Variants in ATXN7L1 observed in about 807,000 individuals in gnomAD.
The protein encoded by ATXN7L1 is ataxin-7-like protein 1.
A neutral mutation model predicts 70.8 loss-of-function variants in ATXN7L1; 15 were observed. The ratio of observed to expected loss-of-function variants is 0.21; its 90% CI spans 0.14 to 0.33. The LOEUF is 0.33. Ranked by LOEUF, ATXN7L1 falls within the 10% of genes least tolerant of loss-of-function variation. The pLI is 1.00. For synonymous variants in ATXN7L1, 440 were observed against 445.1 expected, an observed-to-expected ratio of 0.99 and a Z score of 0.14; for missense variants, 975 against 1,097.1, an observed-to-expected ratio of 0.89 and a Z score of 1.57.
At chr7:105,666,604 A>G (rs1309198651) in intron 3 of ATXN7L1, among the ~76,000 whole-genome samples, 4 of 152,222 alleles carry the variant, frequency 2.6e-5, no homozygotes, top group African/African-American at 9.6e-5. Context: ...AAGCAGACTG[A>G]ATTTAGTCTT....
intron 3 of ATXN7L1, among the ~76,000 whole-genome samples, chr7:105,721,523 G>T (rs575521275): frequency 6.6e-6 from 1 of 152,316 alleles, no homozygotes; most frequent in East Asian, 1.9e-4. Flanking sequence ...CGCCCTTACA[G>T]ATGCTCACAG....
intron 3 of ATXN7L1, among the ~76,000 whole-genome samples, chr7:105,731,789 A>AAAAGAAAAGAAAAGAAAAG (rs1796600755): frequency 6.7e-6 from 1 of 149,254 alleles, no homozygotes; most frequent in Non-Finnish European, 1.5e-5. Context: ...AAAAGAAAAG[A>AAAAGAAAAGAAAAGAAAAG]AAAGAAAAGA....
chr7:105,791,829 A>C (rs1000669624), intron 2 of ATXN7L1, among the ~76,000 whole-genome samples: 8 of 152,238 alleles, frequency 5.3e-5, no homozygotes, highest in Non-Finnish European at 1.0e-4. Flanking sequence ...CAACAGGTCA[A>C]GCTATGAAGG....
intron 2 of ATXN7L1, among the ~76,000 whole-genome samples, chr7:105,856,412 C>A (rs963148970): frequency 2.0e-5 from 3 of 151,808 alleles, no homozygotes; most frequent in Non-Finnish European, 4.4e-5. Flanking sequence ...ATGGTGAAAC[C>A]CTGTTTCTAT....
chr7:105,749,677 C>T lies in ATXN7L1; in HGVS notation c.355+38927G>A, dbSNP rs548049778. Reference sequence around the variant, plus strand: ...TCCCTTAATATCCCTGGATTAATATCTTTCATATCCTTGGATATTAAAGAA... The same window carrying T: ...TCCCTTAATATCCCTGGATTAATATTTTTCATATCCTTGGATATTAAAGAA... On this transcript the variant is annotated intron_variant, in intron 3 of 11. Transcript: ENST00000419735. Among the ~76,000 whole-genome samples, 4 of 151,558 alleles carry T rather than the reference C, an allele frequency of 2.6e-5. 1 individual carries two copies. The highest frequency in any genetic ancestry group is 5.9e-5 in the Non-Finnish European group (4 of 67,902).
intron 3 of ATXN7L1, among the ~76,000 whole-genome samples, chr7:105,677,678 C>T (rs1804898272): frequency 2.0e-5 from 3 of 152,176 alleles, no homozygotes; most frequent in Admixed American, 1.3e-4. Flanking sequence ...ATGATAATGT[C>T]CATTAAAAAC....
At chr7:105,742,496 G>A (rs892238795) in intron 3 of ATXN7L1, among the ~76,000 whole-genome samples, 2 of 152,178 alleles carry the variant, frequency 1.3e-5, no homozygotes, top group Admixed American at 1.3e-4. Flanking sequence ...TTACAGAAGA[G>A]AAAACTGAGT....
intron 3 of ATXN7L1, chr7:105,760,537 G>A (rs947837618): frequency 3.0e-6 from 3 of 985,726 alleles, no homozygotes; most frequent in African/African-American, 1.7e-5. Context: ...GAAATGTCAC[G>A]CTCCAGCTAT....
rs144295283 is a variant in ATXN7L1, at chr7:105,786,512, C to T, written c.355+2092G>A. Among the ~76,000 whole-genome samples the T allele has an allele frequency of 3.8e-3, 577 of 152,124 alleles. 3 individuals are homozygous for T. The highest frequency in any genetic ancestry group is 0.013 in the African/African-American group (524 of 41,512). ...CTCTCAGTGAAGATTTTTTGGGTTT[C>T]GTTTTGTTTTATTGTTTGTTTCTCT... is the stretch of plus-strand genomic sequence containing the variant. On this transcript the variant is annotated intron_variant, in intron 3 of 11. Coordinates refer to ENST00000419735, the MANE Select transcript of ATXN7L1 (RefSeq NM_020725.2).
chr7:105,704,368 G>A (rs932594942), intron 3 of ATXN7L1, among the ~76,000 whole-genome samples: 3 of 152,170 alleles, frequency 2.0e-5, no homozygotes, highest in African/African-American at 7.2e-5. Context: ...ACTGTAATCT[G>A]TGATTGTTCT....
intron 11 of ATXN7L1, among the ~76,000 whole-genome samples, chr7:105,610,067 G>C (rs1004092386): frequency 6.6e-6 from 1 of 152,174 alleles, no homozygotes; most frequent in Non-Finnish European, 1.5e-5. Context: ...CACCATGCCC[G>C]GCCGCAAGTC....
intron 2 of ATXN7L1, among the ~76,000 whole-genome samples, chr7:105,815,194 T>C (rs1018068662): frequency 1.3e-5 from 2 of 152,180 alleles, no homozygotes; most frequent in Non-Finnish European, 2.9e-5. Context: ...CCAGGTATTA[T>C]GGAGCGAAGA....
chr7:105,647,694 T>C (rs749193882), intron 4 of ATXN7L1, among the ~76,000 whole-genome samples: 1 of 152,198 alleles, frequency 6.6e-6, no homozygotes, highest in Non-Finnish European at 1.5e-5. Flanking sequence ...CAAATGCTCA[T>C]AGCACAGTCT....
rs1792792217 is a variant in ATXN7L1 at position 105,607,058 on chromosome 7, T to A, written c.*794A>T. ...AGCTCAGACCACCACAGTCTCCAGT[T>A]TTTTTAGGGATCATCTCCTACCCAC... is the stretch of plus-strand genomic sequence containing the variant. On this transcript the variant is annotated 3_prime_UTR_variant, in exon 12 of 12. Coordinates refer to ENST00000419735, the MANE Select transcript of ATXN7L1 (RefSeq NM_020725.2). 1 of 152,432 alleles carries A rather than the reference T, an allele frequency of 6.6e-6. No homozygotes were observed. Among genetic ancestry groups the A allele is most frequent in the Admixed American group, 6.6e-5 (1 of 15,252 alleles). The allele number at this position is 152,432 out of a possible 1,614,324, so 9.4% of individuals were successfully genotyped here. A position where few individuals can be genotyped will look rare whatever the true frequency, so the allele number is the denominator to read the frequency against.
rs962808817 is a variant in ATXN7L1, at chr7:105,605,897, G to A, written c.*1955C>T. 5.3e-5 allele frequency: 8 copies of A among 152,012 alleles called. No homozygotes were observed. The highest frequency in any genetic ancestry group is 1.7e-4 in the African/African-American group (7 of 41,496). The allele number at this position is 152,012 out of a possible 1,614,324, so 9.4% of individuals were successfully genotyped here. ...TTCATATTGTTTCTGAAACTATTCT[G>A]GTCAGTTAGCTCTGTAATATAGTAA... On this transcript the variant is annotated 3_prime_UTR_variant, in exon 12 of 12. Coordinates refer to ENST00000419735, the MANE Select transcript of ATXN7L1 (RefSeq NM_020725.2).
At chr7:105,764,314 C>A (rs1383761508) in intron 3 of ATXN7L1, among the ~76,000 whole-genome samples, 10 of 147,610 alleles carry the variant, frequency 6.8e-5, no homozygotes, top group Admixed American at 2.7e-4. Context: ...AAAAAAAAAA[C>A]CACAATGGAC....
chr7:105,637,540 T>C (rs1028843778), intron 7 of ATXN7L1, among the ~76,000 whole-genome samples: 2 of 152,210 alleles, frequency 1.3e-5, no homozygotes, highest in Non-Finnish European at 2.9e-5. Flanking sequence ...TCTGTACCCC[T>C]GCCTGAGAGT....
At chr7:105,710,810 G>A (rs898052064) in intron 3 of ATXN7L1, among the ~76,000 whole-genome samples, 3 of 152,178 alleles carry the variant, frequency 2.0e-5, no homozygotes, top group Non-Finnish European at 4.4e-5. Context: ...CACAAGAACA[G>A]TGTATTAGTC....
At chr7:105,745,545 T>C (rs1584905132) in intron 3 of ATXN7L1, among the ~76,000 whole-genome samples, 3 of 152,344 alleles carry the variant, frequency 2.0e-5, no homozygotes, top group East Asian at 1.9e-4. Context: ...GCAACCAGGC[T>C]GAGAGGGGTC....
Sources: gnomAD v4.1 joint callset for allele counts (sites outside exome capture counted in the v4.1 genomes callset) on GRCh38, gnomAD v4.1.1 for gene constraint, MANE v1.5 for transcripts, NCBI Gene and HGNC (gene_info 2026-07-23, HGNC 2026-07-21) for gene names.